CEP112: variants seen among roughly 807,000 people sequenced by gnomAD.
CEP112 encodes centrosomal protein 112.
A neutral mutation model predicts 153.0 loss-of-function variants in CEP112; 127 were observed. That is an observed-to-expected ratio of 0.83 (90% CI 0.72 to 0.96). CEP112 has a LOEUF of 0.96. CEP112 is among the 40% of genes least tolerant of loss of function. The probability of loss-of-function intolerance (pLI) is 0.00; values close to 1 mark genes in which losing one functional copy is unlikely to be tolerated. For missense variants in CEP112, 1,089 were observed against 1,101.2 expected (o/e 0.99, Z 0.16); for synonymous variants, 358 against 374.4 (o/e 0.96, Z 0.51).
intron 21 of CEP112, among the ~76,000 whole-genome samples, chr17:65,789,863 A>T: frequency 6.6e-6 from 1 of 152,186 alleles, no homozygotes. Context: ...GTTAACTCCA[A>T]GCATCTAGCA....
chr17:65,689,194 G>A lies in CEP112; in HGVS notation c.2632C>T (p.Arg878Cys), dbSNP rs754868734. Residue 878 changes from arginine (R) to cysteine (C), a missense_variant, in exon 24 of 27, where the codon CGT (arginine) becomes TGT (cysteine). Arg to Cys is a radical substitution (Grantham distance 180). Transcript: ENST00000535342. The part of the protein sequence containing the change: ...IKVLQDELEN[R>C]SNQVRCAEKK... ...TCTGCACATCGCACCTGATTAGAACGGTTTTCTAATTCATCTTGTAAAACC... is the reference window on the plus strand; with the variant it reads ...TCTGCACATCGCACCTGATTAGAACAGTTTTCTAATTCATCTTGTAAAACC... The A allele has an allele frequency of 1.1e-5, 18 of 1,611,928 alleles. No homozygotes were observed. The highest frequency in any genetic ancestry group is 1.6e-4 in the Middle Eastern group (1 of 6,072).
chr17:66,077,001 G>C (rs939831185), intron 8 of CEP112, among the ~76,000 whole-genome samples: 1 of 152,164 alleles, frequency 6.6e-6, no homozygotes, highest in African/African-American at 2.4e-5. Context: ...CGTAGGAAAA[G>C]GGGGAGAATA....
chr17:66,013,449 T>C (rs2064628487), intron 16 of CEP112, among the ~76,000 whole-genome samples: 1 of 152,176 alleles, frequency 6.6e-6, no homozygotes, highest in Non-Finnish European at 1.5e-5. Flanking sequence ...GTTTGTGGCA[T>C]AAGGTGGGGT....
At chr17:65,902,635 T>C (rs1568198649) in intron 19 of CEP112, among the ~76,000 whole-genome samples, 1 of 151,918 alleles carries the variant, frequency 6.6e-6, no homozygotes, top group Non-Finnish European at 1.5e-5. Context: ...CGGGTATTAC[T>C]GATCAGCAAT....
At chr17:66,056,889 T>G (rs1008746850) in intron 11 of CEP112, among the ~76,000 whole-genome samples, 1 of 152,150 alleles carries the variant, frequency 6.6e-6, no homozygotes, top group African/African-American at 2.4e-5. Flanking sequence ...TTATGGCATG[T>G]AAATCATAAC....
chr17:65,951,874 T>G (rs1034786964), intron 18 of CEP112, among the ~76,000 whole-genome samples: 7 of 151,988 alleles, frequency 4.6e-5, no homozygotes, highest in African/African-American at 1.7e-4. Context: ...TAAGTCTTTC[T>G]CTAAGCACTG....
intron 20 of CEP112, among the ~76,000 whole-genome samples, chr17:65,889,717 A>G (rs1196741113): frequency 6.6e-6 from 1 of 152,018 alleles, no homozygotes; most frequent in Non-Finnish European, 1.5e-5. Context: ...AGTCAGTCCT[A>G]TACTTCTGCT....
intron 21 of CEP112, among the ~76,000 whole-genome samples, chr17:65,821,517 TATATATATATATATATA>T (rs2056557673): frequency 1.1e-4 from 3 of 27,892 alleles, no homozygotes; most frequent in African/African-American, 1.6e-4. Context: ...TATATAATTA[TATATATATATATATATA>T]TATATATTTT....
chr17:66,173,831 C>T (rs2072347747), intron 4 of CEP112, among the ~76,000 whole-genome samples: 1 of 152,154 alleles, frequency 6.6e-6, no homozygotes, highest in South Asian at 2.1e-4. Flanking sequence ...TCTGAATATG[C>T]CCTTAATTAT....
intron 22 of CEP112, among the ~76,000 whole-genome samples, chr17:65,744,391 C>T (rs138859574): frequency 0.011 from 1,719 of 152,112 alleles, 15 homozygotes; most frequent in Non-Finnish European, 0.019. Flanking sequence ...GTAGCTGGGA[C>T]TACAGGCCAC....
At chr17:65,911,848 T>C (rs1443592656) in intron 19 of CEP112, among the ~76,000 whole-genome samples, 1 of 152,180 alleles carries the variant, frequency 6.6e-6, no homozygotes, top group Non-Finnish European at 1.5e-5. Flanking sequence ...CTCATAGAAA[T>C]TTCTGGAATA....
At chr17:66,018,046 A>G (rs78545501) in intron 16 of CEP112, among the ~76,000 whole-genome samples, 6,065 of 152,222 alleles carry the variant, frequency 0.04, 170 homozygotes, top group South Asian at 0.11. Context: ...AAAATTAAAG[A>G]ACAAACAACC....
chr17:65,729,359 C>T (rs2050363184), intron 23 of CEP112, among the ~76,000 whole-genome samples: 1 of 152,112 alleles, frequency 6.6e-6, no homozygotes. Context: ...CATATGACTG[C>T]ATACATAAAT....
chr17:66,042,290 T>C (rs760530943), intron 12 of CEP112, among the ~76,000 whole-genome samples: 1 of 152,108 alleles, frequency 6.6e-6, no homozygotes, highest in Non-Finnish European at 1.5e-5. Flanking sequence ...GCGGAGGTTG[T>C]AGTGAGCTGA....
At chr17:65,647,626 G>A (rs909563897) in intron 24 of CEP112, among the ~76,000 whole-genome samples, 2 of 147,086 alleles carry the variant, frequency 1.4e-5, no homozygotes, top group African/African-American at 5.2e-5. Flanking sequence ...ACAGGTGCGT[G>A]CCACCATGCC....
At chr17:65,861,541 A>G (rs925895726) in intron 20 of CEP112, among the ~76,000 whole-genome samples, 2 of 152,250 alleles carry the variant, frequency 1.3e-5, no homozygotes, top group African/African-American at 4.8e-5. Context: ...TGCCTAAAGT[A>G]TATCAACAAG....
intron 17 of CEP112, among the ~76,000 whole-genome samples, chr17:65,991,457 T>G (rs1480847799): frequency 6.6e-6 from 1 of 151,956 alleles, no homozygotes; most frequent in Non-Finnish European, 1.5e-5. Context: ...GTTACAAACT[T>G]AATTAATCTT....
intron 24 of CEP112, among the ~76,000 whole-genome samples, chr17:65,686,298 T>G (rs937477614): frequency 6.6e-6 from 1 of 152,148 alleles, no homozygotes; most frequent in Non-Finnish European, 1.5e-5. Flanking sequence ...AAAAAGCTAT[T>G]GTCACTACAA....
chr17:65,983,648 C>T (rs899231891), intron 17 of CEP112, among the ~76,000 whole-genome samples: 11 of 152,214 alleles, frequency 7.2e-5, no homozygotes, highest in Non-Finnish European at 1.6e-4. Context: ...ACTCCCCCTC[C>T]ACCTTCTAAC....
Sources: allele counts gnomAD v4.1 joint callset (sites outside exome capture counted in the v4.1 genomes callset), GRCh38; gene constraint gnomAD v4.1.1; transcripts MANE v1.5; gene names NCBI Gene and HGNC (gene_info 2026-07-23, HGNC 2026-07-21).